Variants in CAPZB observed in about 807,000 individuals in gnomAD.
CAPZB encodes the protein capping actin protein of muscle Z-line subunit beta.
In CAPZB, 2 loss-of-function variants were observed where a neutral mutation model predicts 38.1. The ratio of observed to expected loss-of-function variants is 0.05; its 90% CI spans 0.02 to 0.17. CAPZB has a LOEUF of 0.17. Ranked by LOEUF, CAPZB falls within the 10% of genes least tolerant of loss-of-function variation. The pLI, the probability that CAPZB is intolerant of heterozygous loss-of-function variation, is 1.00. For synonymous variants in CAPZB, 107 were observed against 127.4 expected, an observed-to-expected ratio of 0.84 and a Z score of 1.08; for missense variants, 161 against 334.2, an observed-to-expected ratio of 0.48 and a Z score of 4.04.
chr1:19,404,386 A>G (rs765892802), intron 2 of CAPZB, among the ~76,000 whole-genome samples: 17 of 151,440 alleles, frequency 1.1e-4, no homozygotes, highest in Non-Finnish European at 2.1e-4. Flanking sequence ...TCTACTAAAA[A>G]TACAAAACTT....
chr1:19,408,120 G>C (rs1205612945), intron 2 of CAPZB, among the ~76,000 whole-genome samples: 2 of 152,176 alleles, frequency 1.3e-5, no homozygotes, highest in African/African-American at 4.8e-5. Context: ...CGTGCACTGG[G>C]TTATAAAATG....
chr1:19,429,532 T>A (rs1453119025), intron 1 of CAPZB, among the ~76,000 whole-genome samples: 1 of 152,148 alleles, frequency 6.6e-6, no homozygotes, highest in African/African-American at 2.4e-5. Context: ...AAAACCTGGG[T>A]CCGACGGTAC....
At position 19,356,578 on chromosome 1, in the gene CAPZB, A is replaced by G. The variant is rs866307553; in HGVS notation, c.588+57T>C. 6.9e-5 allele frequency: 78 copies of G among 1,122,994 alleles called. No homozygotes were observed. In the Middle Eastern group the frequency reaches 1.2e-3, roughly 17 times the overall value. 69.6% of individuals were successfully genotyped at this position (1,122,994 alleles called of 1,614,324 possible). A position where few individuals can be genotyped will look rare whatever the true frequency, so the allele number is the denominator to read the frequency against. ...ACCTGCTCACTCATCTCTGCAGGTCAGCACTGAGGCCAGCACCTGTGGGCA... is the reference window on the plus strand; with the variant it reads ...ACCTGCTCACTCATCTCTGCAGGTCGGCACTGAGGCCAGCACCTGTGGGCA... On this transcript the variant is annotated intron_variant, in intron 6 of 8. Coordinates refer to ENST00000264202, the MANE Select transcript of CAPZB (RefSeq NM_004930.5). The surrounding 1 kb of genome is among the most constrained non-coding windows in gnomAD (Gnocchi z 4.3).
intron 1 of CAPZB, among the ~76,000 whole-genome samples, chr1:19,478,588 G>GC (rs1467108891): frequency 4.6e-5 from 7 of 152,188 alleles, no homozygotes; most frequent in African/African-American, 1.7e-4. Flanking sequence ...AAAAACGCAG[G>GC]CAAGCAGCCT....
At chr1:19,449,453 G>C (rs1480739523) in intron 1 of CAPZB, 4 of 450,070 alleles carry the variant, frequency 8.9e-6, no homozygotes, top group East Asian at 1.5e-4. Context: ...CCACTCAGTG[G>C]AACAGTACGA....
intron 4 of CAPZB, among the ~76,000 whole-genome samples, chr1:19,368,310 C>T (rs1375432845): frequency 1.3e-5 from 2 of 151,988 alleles, no homozygotes; most frequent in Non-Finnish European, 2.9e-5. Flanking sequence ...GTTAGATGCC[C>T]GTATGAAGCC....
chr1:19,393,713 C>T (rs539631034), intron 2 of CAPZB, among the ~76,000 whole-genome samples: 2 of 152,370 alleles, frequency 1.3e-5, no homozygotes, highest in Admixed American at 1.3e-4. Flanking sequence ...CCCCCAAGTG[C>T]CCGGTCACGG....
intron 2 of CAPZB, among the ~76,000 whole-genome samples, chr1:19,386,173 C>A (rs1485553944): frequency 6.6e-6 from 1 of 152,234 alleles, no homozygotes; most frequent in Non-Finnish European, 1.5e-5. Flanking sequence ...CCGGCTCCCC[C>A]ACAGCACAGA....
Position 19,470,604 on chromosome 1 carries a change from A to C in CAPZB, c.3+14832T>G, listed in dbSNP as rs78674843. 9.1e-4 allele frequency among the ~76,000 whole-genome samples: 138 copies of C among 152,318 alleles called. No homozygotes were observed. The East Asian group carries it at 0.021, about 23-fold the overall frequency. ...TAGATTCTAGAGTGTTAGACATAGG[A>C]CCTGATCCCAGTGCTCCAGTGGTTT... On this transcript the variant is annotated intron_variant, in intron 1 of 8. Transcript: ENST00000264202.
intron 1 of CAPZB, among the ~76,000 whole-genome samples, chr1:19,452,765 C>T (rs2094520584): frequency 6.6e-6 from 1 of 152,020 alleles, no homozygotes; most frequent in South Asian, 2.1e-4. Context: ...CTCCAAGCCC[C>T]ACCTTCGGCA....
At position 19,345,222 on chromosome 1, in the gene CAPZB, A is replaced by T. The variant is rs2093954072; in HGVS notation, c.619T>A (p.Ser207Thr). The T allele has an allele frequency of 6.2e-7, 1 of 1,613,812 alleles. No homozygotes were observed. The highest frequency in any genetic ancestry group is 1.7e-5 in the Admixed American group (1 of 60,006). ...CGCCCGATGTTGGCTATGTGTGGGG[A>T]GCAGTCACTCACAGTTTCATCCTTC... Reference protein sequence around the residue: ...MEKDETVSDCSPHIANIGRLV... With the variant: ...MEKDETVSDCTPHIANIGRLV... Residue 207 changes from serine to threonine, a missense_variant, in exon 7 of 9, where the codon TCC (serine) becomes ACC (threonine). Ser to Thr is a moderately conservative substitution (Grantham distance 58). Coordinates refer to ENST00000264202, the MANE Select transcript of CAPZB (RefSeq NM_004930.5).
At chr1:19,354,019 G>C (rs76701080) in intron 6 of CAPZB, among the ~76,000 whole-genome samples, 1 of 152,178 alleles carries the variant, frequency 6.6e-6, no homozygotes, top group Non-Finnish European at 1.5e-5. Flanking sequence ...AGCAGTCACC[G>C]AATGGCAGGC....
intron 4 of CAPZB, among the ~76,000 whole-genome samples, chr1:19,373,284 C>T (rs2094128248): frequency 6.6e-6 from 1 of 152,180 alleles, no homozygotes; most frequent in East Asian, 1.9e-4. Flanking sequence ...GTCACGCTCC[C>T]AACTGCTAGC....
At chr1:19,394,791 C>T (rs953043838) in intron 2 of CAPZB, among the ~76,000 whole-genome samples, 4 of 152,184 alleles carry the variant, frequency 2.6e-5, no homozygotes, top group Non-Finnish European at 5.9e-5. Flanking sequence ...GATAATGGTA[C>T]ATACAGCACA....
At chr1:19,476,032 G>A (rs2094605315) in intron 1 of CAPZB, among the ~76,000 whole-genome samples, 1 of 152,154 alleles carries the variant, frequency 6.6e-6, no homozygotes, top group Non-Finnish European at 1.5e-5. Context: ...ACTAAAACAG[G>A]CCAATTTTGG....
intron 6 of CAPZB, among the ~76,000 whole-genome samples, chr1:19,349,719 G>GC (rs1216289196): frequency 6.6e-5 from 10 of 152,166 alleles, no homozygotes; most frequent in Non-Finnish European, 5.9e-5. Context: ...TAGAACACAG[G>GC]CCCCCTCAGC....
chr1:19,462,552 A>G (rs1196197000), intron 1 of CAPZB, among the ~76,000 whole-genome samples: 1 of 152,248 alleles, frequency 6.6e-6, no homozygotes, highest in African/African-American at 2.4e-5. Context: ...AGCATGTTAG[A>G]TAACTCCTGA....
chr1:19,362,992 C>T (rs1255892043), intron 4 of CAPZB, among the ~76,000 whole-genome samples: 1 of 152,200 alleles, frequency 6.6e-6, no homozygotes, highest in African/African-American at 2.4e-5. Flanking sequence ...TGTTTGCTTG[C>T]GTCCACTGAA....
At chr1:19,467,634 T>C (rs1037944723) in intron 1 of CAPZB, among the ~76,000 whole-genome samples, 4 of 152,208 alleles carry the variant, frequency 2.6e-5, no homozygotes, top group Non-Finnish European at 5.9e-5. Flanking sequence ...GGGACAGGTA[T>C]CAGCTCAGAT....
Sources: gnomAD v4.1 joint callset for allele counts (sites outside exome capture counted in the v4.1 genomes callset) on GRCh38, gnomAD v4.1.1 for gene constraint, Gnocchi (gnomAD v3.1) non-coding constraint, MANE v1.5 for transcripts, NCBI Gene and HGNC (gene_info 2026-07-23, HGNC 2026-07-21) for gene names.